The following DCUN1D4 variants were observed in gnomAD, a reference collection of about 807,000 sequenced individuals.
DCUN1D4 encodes defective in cullin neddylation 1 domain containing 4.
DCUN1D4 carries 22 observed loss-of-function variants against 47.9 expected under a neutral mutation model. That is an observed-to-expected ratio of 0.46 (90% CI 0.33 to 0.66). The LOEUF is 0.66. Among genes scored for constraint, DCUN1D4 ranks in the 30% least tolerant of loss-of-function variants. DCUN1D4 has a pLI of 0.02. For synonymous variants in DCUN1D4, 121 were observed against 112.2 expected (o/e 1.08, Z -0.50); for missense variants, 301 against 340.8 (o/e 0.88, Z 0.92).
chr4:51,893,100 G>A (rs1170075061), intron 7 of DCUN1D4, among the ~76,000 whole-genome samples: 2 of 152,218 alleles, frequency 1.3e-5, no homozygotes, highest in African/African-American at 4.8e-5. Context: ...TACAAATGAG[G>A]AGACTGAGGC....
chr4:51,839,253 A>G (rs910708320), upstream of DCUN1D4, among the ~76,000 whole-genome samples: 8 of 151,836 alleles, frequency 5.3e-5, no homozygotes, highest in African/African-American at 1.9e-4. Context: ...GGAAAGGAAG[A>G]AAGAAAGAAA....
chr4:51,845,993 A>G (rs749985033), intron 1 of DCUN1D4, among the ~76,000 whole-genome samples: 4 of 152,216 alleles, frequency 2.6e-5, no homozygotes, highest in Middle Eastern at 3.2e-3. Context: ...TTTTTCTTGC[A>G]GAGGGTAAAG....
chr4:51,889,877 A>G (rs1447807494), intron 6 of DCUN1D4, among the ~76,000 whole-genome samples: 7 of 152,134 alleles, frequency 4.6e-5, no homozygotes, highest in African/African-American at 1.7e-4. Context: ...TTTAACAATC[A>G]TTGCCTTTTA....
At chr4:51,890,366 G>C (rs960075952) in intron 6 of DCUN1D4, among the ~76,000 whole-genome samples, 3 of 152,220 alleles carry the variant, frequency 2.0e-5, no homozygotes, top group African/African-American at 7.2e-5. Flanking sequence ...GGTTCTTTCA[G>C]TAGCTGAAAT....
intron 4 of DCUN1D4, 24 bp from the exon 5 acceptor site, chr4:51,877,739 T>C: frequency 6.6e-7 from 1 of 1,517,760 alleles, no homozygotes; most frequent in Non-Finnish European, 9.1e-7. Flanking sequence ...TTAAATAACT[T>C]AAAACTGCCT....
intron 3 of DCUN1D4, chr4:51,865,351 T>A: frequency 5.1e-6 from 1 of 194,562 alleles, no homozygotes. Flanking sequence ...ACAAGAGCTT[T>A]CTCCATAGGT....
chr4:51,907,019 A>C (rs1433403319), intron 8 of DCUN1D4, among the ~76,000 whole-genome samples: 1 of 152,256 alleles, frequency 6.6e-6, no homozygotes, highest in Non-Finnish European at 1.5e-5. Context: ...CACTTAGAAC[A>C]GTTTCTAGCT....
intron 3 of DCUN1D4, among the ~76,000 whole-genome samples, chr4:51,866,863 C>T (rs79258930): frequency 0.024 from 3,726 of 152,266 alleles, 73 homozygotes; most frequent in Non-Finnish European, 0.038. Flanking sequence ...CTTTGCCAGC[C>T]GGAAACTTCT....
chr4:51,881,944 G>C (rs998845043), intron 5 of DCUN1D4, among the ~76,000 whole-genome samples: 1 of 152,142 alleles, frequency 6.6e-6, no homozygotes, highest in African/African-American at 2.4e-5. Context: ...GAGGTAGGAG[G>C]ATCGTTTGAG....
chr4:51,907,943 C>G (rs1733143296), intron 8 of DCUN1D4, among the ~76,000 whole-genome samples: 1 of 152,156 alleles, frequency 6.6e-6, no homozygotes, highest in African/African-American at 2.4e-5. Flanking sequence ...TATACTGAAA[C>G]AGTAGTATGT....
intron 8 of DCUN1D4, among the ~76,000 whole-genome samples, chr4:51,905,853 C>T (rs768570319): frequency 2.6e-5 from 4 of 152,132 alleles, no homozygotes; most frequent in Non-Finnish European, 5.9e-5. Context: ...TCTAGCATTG[C>T]AGTCCTACCT....
chr4:51,839,455 A>G (rs1721577277), upstream of DCUN1D4, among the ~76,000 whole-genome samples: 1 of 152,190 alleles, frequency 6.6e-6, no homozygotes, highest in Non-Finnish European at 1.5e-5. Flanking sequence ...GTTTACCAGT[A>G]CAGTACTATT....
chr4:51,887,570 C>G (rs1729707086), intron 6 of DCUN1D4, among the ~76,000 whole-genome samples: 1 of 152,176 alleles, frequency 6.6e-6, no homozygotes, highest in South Asian at 2.1e-4. Context: ...TACACATGCC[C>G]TGCCTCATTA....
chr4:51,845,039 A>G (rs763955757), intron 1 of DCUN1D4: 22 of 985,356 alleles, frequency 2.2e-5, no homozygotes, highest in Non-Finnish European at 2.4e-5. Context: ...TTGGTCCCCA[A>G]GTGAATTTCC....
chr4:51,890,726 C>CA (rs1730290912), intron 6 of DCUN1D4, among the ~76,000 whole-genome samples: 1 of 152,214 alleles, frequency 6.6e-6, no homozygotes, highest in Non-Finnish European at 1.5e-5. Context: ...CTGTCCTAAT[C>CA]AGGCATGGCC....
At chr4:51,854,626 G>A (rs1487917447) in intron 1 of DCUN1D4, among the ~76,000 whole-genome samples, 1 of 152,180 alleles carries the variant, frequency 6.6e-6, no homozygotes, top group Admixed American at 6.5e-5. Context: ...GACATAGTCT[G>A]TATTTCTTCA....
Position 51,902,697 on chromosome 4 carries a change from T to G in DCUN1D4, c.615+3319T>G, listed in dbSNP as rs1479231687. Among the ~76,000 whole-genome samples, 4 of 152,214 alleles carry G rather than the reference T, an allele frequency of 2.6e-5. No individual in the cohort carries two copies. In the East Asian group the frequency reaches 7.7e-4, roughly 29 times the overall value. The stretch of plus-strand genomic sequence containing the variant: ...TGGATCTGACAATATGTGTTTTAAC[T>G]GGGATGCTGAAACTATTACATTTAA... On this transcript the variant is annotated intron_variant, in intron 8 of 10. Coordinates refer to ENST00000334635, the MANE Select transcript of DCUN1D4 (RefSeq NM_001040402.3).
intron 1 of DCUN1D4, among the ~76,000 whole-genome samples, chr4:51,858,935 G>A (rs1421360992): frequency 2.6e-5 from 4 of 152,214 alleles, no homozygotes; most frequent in Admixed American, 6.5e-5. Context: ...TTCATACAGA[G>A]TTTACCAGGC....
intron 3 of DCUN1D4, among the ~76,000 whole-genome samples, chr4:51,866,359 G>A (rs1212173509): frequency 6.6e-6 from 1 of 152,008 alleles, no homozygotes; most frequent in Non-Finnish European, 1.5e-5. Context: ...TAACTCTTCT[G>A]TTTGTTAACC....
Sources: gnomAD v4.1 joint callset for allele counts (sites outside exome capture counted in the v4.1 genomes callset) on GRCh38, gnomAD v4.1.1 for gene constraint, MANE v1.5 for transcripts, NCBI Gene and HGNC (gene_info 2026-07-23, HGNC 2026-07-21) for gene names.